The following PLXDC2 variants were observed in gnomAD, a reference collection of about 807,000 sequenced individuals.
PLXDC2 encodes plexin domain-containing protein 2.
PLXDC2 carries 40 observed loss-of-function variants against 68.9 expected under a neutral mutation model. The ratio of observed to expected loss-of-function variants is 0.58; its 90% CI spans 0.45 to 0.76. The LOEUF (loss-of-function observed/expected upper bound fraction) is 0.76, where lower values mean the gene tolerates loss of function less well. Among genes scored for constraint, PLXDC2 ranks in the 30% least tolerant of loss-of-function variants. The probability of loss-of-function intolerance (pLI) is 0.00; values close to 1 mark genes in which losing one functional copy is unlikely to be tolerated. For synonymous variants in PLXDC2, 243 were observed against 234.2 expected (o/e 1.04, Z -0.34); for missense variants, 644 against 661.9 (o/e 0.97, Z 0.30).
At chr10:19,923,152 C>T (rs1183476304) in intron 1 of PLXDC2, among the ~76,000 whole-genome samples, 1 of 152,096 alleles carries the variant, frequency 6.6e-6, no homozygotes, top group Non-Finnish European at 1.5e-5. Flanking sequence ...CAGCATTAAG[C>T]AGAAGGTGTG....
intron 1 of PLXDC2, among the ~76,000 whole-genome samples, chr10:19,931,567 G>A (rs571109257): frequency 1.3e-5 from 2 of 152,318 alleles, no homozygotes; most frequent in South Asian, 4.1e-4. Context: ...TCTAATGCCA[G>A]TAATGATCAC....
At chr10:20,264,446 G>C (rs1283501066) in intron 13 of PLXDC2, among the ~76,000 whole-genome samples, 1 of 151,966 alleles carries the variant, frequency 6.6e-6, no homozygotes, top group Non-Finnish European at 1.5e-5. Context: ...ACTTTCACAT[G>C]TACCCCCAAA....
intron 9 of PLXDC2, among the ~76,000 whole-genome samples, chr10:20,187,247 C>G (rs1279550715): frequency 6.6e-6 from 1 of 151,808 alleles, no homozygotes; most frequent in Non-Finnish European, 1.5e-5. Context: ...GAAAATACAT[C>G]TGGCCTCTAG....
chr10:19,971,841 T>G (rs1310972889), intron 1 of PLXDC2, among the ~76,000 whole-genome samples: 1 of 152,116 alleles, frequency 6.6e-6, no homozygotes, highest in Non-Finnish European at 1.5e-5. Flanking sequence ...TGTGTTTACA[T>G]GTGATATAAG....
intron 1 of PLXDC2, among the ~76,000 whole-genome samples, chr10:19,826,183 T>C (rs560383627): frequency 6.6e-6 from 1 of 152,326 alleles, no homozygotes; most frequent in South Asian, 2.1e-4. Flanking sequence ...ACCTCCTAAT[T>C]ATTTTGCCAG....
chr10:20,146,488 TTTCC>T lies in PLXDC2; in HGVS notation c.665-1266_665-1263del, dbSNP rs34150409. The stretch of plus-strand genomic sequence containing the variant: ...CTTCCTTTCTTTCTTTTCTTTTCTT[TTTCC>T]TTCCTTCCTTCCTTCCTTCCTTCCT... On this transcript the variant is annotated intron_variant, in intron 5 of 13. Transcript: ENST00000377252. Among the ~76,000 whole-genome samples the T allele has an allele frequency of 5.2e-4, 42 of 81,412 alleles. 1 individual carries two copies. The highest frequency in any genetic ancestry group is 1.3e-3 in the African/African-American group (30 of 22,974). 53.4% of individuals were successfully genotyped at this position (81,412 alleles called of 152,430 possible).
At chr10:20,239,687 G>A (rs1293916644) in intron 12 of PLXDC2, among the ~76,000 whole-genome samples, 1 of 152,114 alleles carries the variant, frequency 6.6e-6, no homozygotes, top group Non-Finnish European at 1.5e-5. Context: ...ACCATATCAA[G>A]CTTACTGAGA....
chr10:20,106,738 G>A (rs148364716), intron 4 of PLXDC2, among the ~76,000 whole-genome samples: 229 of 151,702 alleles, frequency 1.5e-3, no homozygotes, highest in African/African-American at 5.4e-3. Context: ...TCAACTCTCG[G>A]CCTTTCAGAA....
intron 1 of PLXDC2, among the ~76,000 whole-genome samples, chr10:19,947,718 T>G (rs1464829440): frequency 6.6e-6 from 1 of 150,668 alleles, no homozygotes; most frequent in African/African-American, 2.4e-5. Flanking sequence ...TTTTTTTTTT[T>G]TTTTTGCACA....
Position 20,030,381 on chromosome 10 carries a change from C to A in PLXDC2, c.325-16488C>A, listed in dbSNP as rs145107362. Among the ~76,000 whole-genome samples, 13 of 152,268 alleles carry A rather than the reference C, an allele frequency of 8.5e-5. 1 individual carries two copies. The highest frequency in any genetic ancestry group is 1.9e-4 in the Non-Finnish European group (13 of 68,030). On this transcript the variant is annotated intron_variant, in intron 2 of 13. Coordinates refer to ENST00000377252, the MANE Select transcript of PLXDC2 (RefSeq NM_032812.9). ...AACAGTGTGAAGTGACATTGTGTACCTTGTAGGCAATGCCTCAAGAGGCTG... is the reference window on the plus strand; with the variant it reads ...AACAGTGTGAAGTGACATTGTGTACATTGTAGGCAATGCCTCAAGAGGCTG...
At chr10:19,919,974 A>T (rs1471951469) in intron 1 of PLXDC2, among the ~76,000 whole-genome samples, 1 of 152,238 alleles carries the variant, frequency 6.6e-6, no homozygotes, top group Admixed American at 6.5e-5. Context: ...AAAACAAATG[A>T]CAACTTTACC....
At chr10:20,050,404 C>G (rs182829078) in intron 3 of PLXDC2, among the ~76,000 whole-genome samples, 69 of 152,148 alleles carry the variant, frequency 4.5e-4, no homozygotes, top group African/African-American at 1.6e-3. Context: ...GCAAAAGAAA[C>G]TATCAATAGG....
At chr10:20,236,549 C>A (rs1366238874) in intron 12 of PLXDC2, among the ~76,000 whole-genome samples, 3 of 152,030 alleles carry the variant, frequency 2.0e-5, no homozygotes, top group Non-Finnish European at 4.4e-5. Context: ...AGTTAGATGT[C>A]ATAAAGATCT....
chr10:20,057,912 G>A lies in PLXDC2; in HGVS notation c.472-10258G>A, dbSNP rs774134152. ...ATAAATGTAGCAAAATGGAAAACAC[G>A]AATCTGCATTAAAAAAAAAAGATGT... is the stretch of plus-strand genomic sequence containing the variant. On this transcript the variant is annotated intron_variant, in intron 3 of 13. Coordinates refer to ENST00000377252, the MANE Select transcript of PLXDC2 (RefSeq NM_032812.9). Among the ~76,000 whole-genome samples, 5 of 140,716 alleles carry A rather than the reference G, an allele frequency of 3.6e-5. No homozygotes were observed. The East Asian group carries it at 8.0e-4, about 22-fold the overall frequency. The allele number at this position is 140,716 out of a possible 152,430, so 92.3% of individuals were successfully genotyped here. A position where few individuals can be genotyped will look rare whatever the true frequency, so the allele number is the denominator to read the frequency against.
chr10:20,221,926 C>T (rs1588526354), intron 12 of PLXDC2, among the ~76,000 whole-genome samples: 1 of 152,010 alleles, frequency 6.6e-6, no homozygotes, highest in South Asian at 2.1e-4. Context: ...TTAATTGGAC[C>T]GCTGTTTTTT....
intron 1 of PLXDC2, among the ~76,000 whole-genome samples, chr10:19,953,809 T>A (rs1270672681): frequency 6.6e-6 from 1 of 152,104 alleles, no homozygotes; most frequent in African/African-American, 2.4e-5. Flanking sequence ...TAATGTGAAA[T>A]GAAAAGAAAC....
chr10:20,206,167 C>A (rs1267197824), intron 9 of PLXDC2, among the ~76,000 whole-genome samples: 3 of 151,692 alleles, frequency 2.0e-5, no homozygotes, highest in Non-Finnish European at 4.4e-5. Context: ...TGTCAACATG[C>A]AATACAATCA....
At chr10:19,831,083 A>G (rs1310950955) in intron 1 of PLXDC2, among the ~76,000 whole-genome samples, 3 of 152,058 alleles carry the variant, frequency 2.0e-5, no homozygotes, top group Non-Finnish European at 4.4e-5. Context: ...TAAATACTTA[A>G]TGAACTTTTC....
chr10:20,177,000 T>A lies in PLXDC2; in HGVS notation c.885T>A (p.Asn295Lys). 6.3e-7 allele frequency: 1 copy of A among 1,588,272 alleles called. No homozygotes were observed. The highest frequency in any genetic ancestry group is 8.6e-7 in the Non-Finnish European group (1 of 1,168,360). The change falls in exon 8 of 14, where the codon AAT becomes AAA. Residue 295 changes from asparagine to lysine, a missense_variant and splice_region_variant. Physicochemically the swap from Asn to Lys is moderately conservative, Grantham distance 94 (BLOSUM62 0). Coordinates refer to ENST00000377252, the MANE Select transcript of PLXDC2 (RefSeq NM_032812.9). ...GATTTTTTTTCCTTTTTTTTCTAGATGTTCGAAGAAGAACAATTTATGAAT... is the reference window on the plus strand; with the variant it reads ...GATTTTTTTTCCTTTTTTTTCTAGAAGTTCGAAGAAGAACAATTTATGAAT... Reference protein sequence around the residue: ...VVVHRIQQIPNVRRRTIYEYH... With the variant: ...VVVHRIQQIPKVRRRTIYEYH...
Sources: allele counts gnomAD v4.1 joint callset (sites outside exome capture counted in the v4.1 genomes callset), GRCh38; gene constraint gnomAD v4.1.1; transcripts MANE v1.5; gene names NCBI Gene and HGNC (gene_info 2026-07-23, HGNC 2026-07-21).